Variants in NADSYN1 observed in about 807,000 individuals in gnomAD.
NADSYN1 encodes NAD synthetase 1, also known as glutamine-dependent NAD(+) synthetase.
A neutral mutation model predicts 99.3 loss-of-function variants in NADSYN1; 80 were observed. The ratio of observed to expected loss-of-function variants is 0.81; its 90% CI spans 0.67 to 0.97. NADSYN1 has a LOEUF of 0.97. NADSYN1 is among the 50% of genes least tolerant of loss of function. The pLI, the probability that NADSYN1 is intolerant of heterozygous loss-of-function variation, is 0.00. For missense variants in NADSYN1, 859 were observed against 948.5 expected (o/e 0.91, Z 1.24); for synonymous variants, 385 against 372.1 (o/e 1.03, Z -0.40).
intron 15 of NADSYN1, 155 bp downstream of exon 15, chr11:71,484,602 C>G: frequency 8.9e-7 from 1 of 1,117,358 alleles, no homozygotes; most frequent in South Asian, 1.6e-5. Context: ...GGGTCACAGC[C>G]TGTATGCCTC....
rs1431192296 is a variant in NADSYN1 at position 71,498,617 on chromosome 11, T to TTA, written c.2070+94_2070+95dup. The TTA allele has an allele frequency of 3.5e-6, 5 of 1,439,332 alleles. No individual in the cohort carries two copies. The African/African-American group carries it at 7.1e-5, about 20-fold the overall frequency. 89.2% of individuals were successfully genotyped at this position (1,439,332 alleles called of 1,614,324 possible). On this transcript the variant is annotated intron_variant, in intron 20 of 20. Transcript: ENST00000319023. ...TTCCATGAAGGATTGAAAAACTTTC[T>TTA]TATATACACAGTAACTTTTTTACTG...
chr11:71,487,681 A>G (rs1213563506), intron 16 of NADSYN1, among the ~76,000 whole-genome samples: 1 of 151,888 alleles, frequency 6.6e-6, no homozygotes, highest in Non-Finnish European at 1.5e-5. Flanking sequence ...AATACAAAAA[A>G]TTAGCCGGGC....
intron 5 of NADSYN1, among the ~76,000 whole-genome samples, chr11:71,465,192 T>A (rs1591124018): frequency 6.6e-6 from 1 of 151,938 alleles, no homozygotes; most frequent in Non-Finnish European, 1.5e-5. Context: ...GGGGATGAGG[T>A]AGAACTGCGG....
At chr11:71,475,092 G>A (rs974573358) in intron 9 of NADSYN1, 1 of 167,580 alleles carries the variant, frequency 6.0e-6, no homozygotes, top group South Asian at 1.4e-4. Context: ...TTTGAATTCC[G>A]AGGGCTGGCA....
At chr11:71,477,760 G>A (rs1400223447) in intron 9 of NADSYN1, among the ~76,000 whole-genome samples, 1 of 152,124 alleles carries the variant, frequency 6.6e-6, no homozygotes, top group Admixed American at 6.5e-5. Flanking sequence ...CTGCGGCTCC[G>A]CCTCTGCCCT....
chr11:71,464,385 C>T (rs931429706), intron 5 of NADSYN1: 34 of 446,766 alleles, frequency 7.6e-5, no homozygotes, highest in South Asian at 1.7e-4. Context: ...GCTCAGGGCG[C>T]GGTTACACAA....
chr11:71,456,688 A>C (rs1949517063), intron 2 of NADSYN1, among the ~76,000 whole-genome samples: 1 of 152,252 alleles, frequency 6.6e-6, no homozygotes, highest in African/African-American at 2.4e-5. Context: ...GTTTCATTTT[A>C]AAAGTGGGAG....
chr11:71,486,828 T>C (rs1427098978), intron 16 of NADSYN1, among the ~76,000 whole-genome samples: 104 of 103,376 alleles, frequency 1.0e-3, no homozygotes, highest in Non-Finnish European at 1.8e-3. Flanking sequence ...TTTTTTGAGA[T>C]GGAGTCTCGC....
chr11:71,466,489 A>G (rs370589624), intron 5 of NADSYN1, among the ~76,000 whole-genome samples: 1 of 152,142 alleles, frequency 6.6e-6, no homozygotes. Flanking sequence ...CCCGCCCTCT[A>G]GAGCCTGGTG....
intron 17 of NADSYN1, 129 bp downstream of exon 17, chr11:71,491,105 C>G: frequency 7.7e-7 from 1 of 1,302,196 alleles, no homozygotes; most frequent in East Asian, 2.5e-5. Context: ...TGCCCCTGAG[C>G]TGGCACTTGA....
rs1055818185 is a variant in NADSYN1 at position 71,497,357 on chromosome 11, T to G, written c.1765-126T>G. ...CTAGCAATGGGGAGTAAAGCCCACC[T>G]CTGCTCCTGCCTCTCTGGGAAAGTA... On this transcript the variant is annotated intron_variant, in intron 18 of 20. Transcript: ENST00000319023. The G allele has an allele frequency of 7.2e-6, 9 of 1,242,802 alleles. No homozygotes were observed. In the Admixed American group the frequency reaches 1.9e-4, roughly 27 times the overall value. The allele number at this position is 1,242,802 out of a possible 1,614,324, so 77.0% of individuals were successfully genotyped here. A position where few individuals can be genotyped will look rare whatever the true frequency, so the allele number is the denominator to read the frequency against.
intron 2 of NADSYN1, 124 bp downstream of exon 2, chr11:71,455,294 G>C (rs368164860): frequency 2.7e-6 from 2 of 730,684 alleles, no homozygotes; most frequent in Admixed American, 2.8e-5. Context: ...CACACCCACT[G>C]TTGGGCCTGG....
chr11:71,456,493 G>A (rs1341665814), intron 2 of NADSYN1, among the ~76,000 whole-genome samples: 1 of 152,152 alleles, frequency 6.6e-6, no homozygotes, highest in African/African-American at 2.4e-5. Context: ...GGGCTGGTCC[G>A]GGGGCCTGAT....
chr11:71,463,540 A>G, intron 4 of NADSYN1, 55 bp downstream of exon 4: 11 of 1,548,386 alleles, frequency 7.1e-6, no homozygotes, highest in East Asian at 2.3e-5. Flanking sequence ...CCTGGCTCTC[A>G]GCTGAGGGCT....
At chr11:71,461,441 C>A (rs1949549570) in intron 3 of NADSYN1, among the ~76,000 whole-genome samples, 1 of 151,976 alleles carries the variant, frequency 6.6e-6, no homozygotes, top group Non-Finnish European at 1.5e-5. Flanking sequence ...TTATTTATTT[C>A]TTTTTGAGAC....
chr11:71,471,265 A>C (rs1222370846), intron 5 of NADSYN1, among the ~76,000 whole-genome samples: 1 of 152,204 alleles, frequency 6.6e-6, no homozygotes, highest in Non-Finnish European at 1.5e-5. Context: ...ATTTTGGTTC[A>C]CTTAGAGAAA....
At chr11:71,481,805 A>G (rs3814734) in intron 12 of NADSYN1, 118 bp from the exon 13 acceptor site, 740,559 of 815,556 alleles carry the variant, frequency 0.91, 339,533 homozygotes, top group Non-Finnish European at 0.96. Context: ...GGAAAGTGCT[A>G]ACACCCACGT....
chr11:71,479,292 C>T (rs1949689577), intron 10 of NADSYN1: 1 of 150,958 alleles, frequency 6.6e-6, no homozygotes, highest in African/African-American at 2.4e-5. Context: ...GACAGAGTCT[C>T]ACTATGTTGC....
At chr11:71,484,882 T>C in intron 15 of NADSYN1, 1 of 199,864 alleles carries the variant, frequency 5.0e-6, no homozygotes, top group Non-Finnish European at 1.0e-5. Flanking sequence ...CAAAAGCAAG[T>C]GTGAGTGTGG....
Sources: allele counts gnomAD v4.1 joint callset (sites outside exome capture counted in the v4.1 genomes callset), GRCh38; gene constraint gnomAD v4.1.1; transcripts MANE v1.5; gene names NCBI Gene and HGNC (gene_info 2026-07-23, HGNC 2026-07-21).